The following DLG2 variants were observed in gnomAD, a reference collection of about 807,000 sequenced individuals.
DLG2 encodes the protein disks large homolog 2.
In DLG2, 45 loss-of-function variants were observed where a neutral mutation model predicts 132.5. The observed-to-expected ratio is 0.34, with a 90% CI of 0.27 to 0.44. DLG2 has a LOEUF of 0.44. Among genes scored for constraint, DLG2 ranks in the 20% least tolerant of loss-of-function variants. The pLI is 1.00. For missense variants in DLG2, 1,045 were observed against 1,196.9 expected, an observed-to-expected ratio of 0.87 and a Z score of 1.87; for synonymous variants, 424 against 419.6, an observed-to-expected ratio of 1.01 and a Z score of -0.13.
Position 85,359,561 on chromosome 11 carries a change from T to C in DLG2, c.41-74196A>G, listed in dbSNP as rs138958969. Among the ~76,000 whole-genome samples, 119 of 152,296 alleles carry C rather than the reference T, an allele frequency of 7.8e-4. 2 individuals are homozygous for C. The East Asian group carries it at 0.014, about 18-fold the overall frequency. On this transcript the variant is annotated intron_variant, in intron 3 of 27. Transcript: ENST00000376104. ...GCACTGTGGGAGAAATAAAGATCAA[T>C]AAGACATGGCTCTTGCCCTTAAGCA...
intron 3 of DLG2, among the ~76,000 whole-genome samples, chr11:85,412,490 C>G (rs186729639): frequency 8.6e-5 from 13 of 151,560 alleles, no homozygotes; most frequent in Non-Finnish European, 1.6e-4. Context: ...TACACTGCAC[C>G]ATATTTGTAC....
rs140936347 is a variant in DLG2, at chr11:84,928,355, C to G, written c.357+183306G>C. ...TGACCTTGGGTAAGTTACATAACTT[C>G]TCTCTGCCACAGAGTATTCCTCTGT... On this transcript the variant is annotated intron_variant, in intron 6 of 27. Transcript: ENST00000376104. Among the ~76,000 whole-genome samples, 21 of 152,094 alleles carry G rather than the reference C, an allele frequency of 1.4e-4. No individual in the cohort carries two copies. In the East Asian group the frequency reaches 4.1e-3, roughly 29 times the overall value.
intron 4 of DLG2, among the ~76,000 whole-genome samples, chr11:85,178,989 T>C (rs889285637): frequency 6.6e-6 from 1 of 151,834 alleles, no homozygotes; most frequent in Non-Finnish European, 1.5e-5. Context: ...CAAAAAGAGA[T>C]GAGTCCACCG....
chr11:84,940,971 T>C (rs1288781674), intron 6 of DLG2, among the ~76,000 whole-genome samples: 1 of 152,216 alleles, frequency 6.6e-6, no homozygotes, highest in Non-Finnish European at 1.5e-5. Flanking sequence ...CAGGACTATT[T>C]ATTAAAGAGA....
chr11:84,200,964 C>G (rs2096584395), intron 8 of DLG2, among the ~76,000 whole-genome samples: 1 of 152,164 alleles, frequency 6.6e-6, no homozygotes, highest in Non-Finnish European at 1.5e-5. Flanking sequence ...ATTTCCCTGG[C>G]AGAACTTCTA....
At chr11:83,878,246 T>G (rs1369156076) in intron 15 of DLG2, among the ~76,000 whole-genome samples, 1 of 152,220 alleles carries the variant, frequency 6.6e-6, no homozygotes, top group East Asian at 1.9e-4. Flanking sequence ...CATCTATACA[T>G]TCGCAGCTCA....
intron 7 of DLG2, among the ~76,000 whole-genome samples, chr11:84,430,117 A>T (rs1270683806): frequency 6.6e-6 from 1 of 152,166 alleles, no homozygotes; most frequent in Non-Finnish European, 1.5e-5. Context: ...AAATCCCATA[A>T]CATCTTATAC....
chr11:85,319,795 G>T (rs77098941), intron 3 of DLG2, among the ~76,000 whole-genome samples: 1 of 151,780 alleles, frequency 6.6e-6, no homozygotes, highest in African/African-American at 2.4e-5. Flanking sequence ...GGAGATATAA[G>T]TCTTAAAATC....
intron 4 of DLG2, among the ~76,000 whole-genome samples, chr11:85,228,937 T>C (rs2075133465): frequency 6.6e-6 from 1 of 151,302 alleles, no homozygotes; most frequent in Non-Finnish European, 1.5e-5. Flanking sequence ...TTAAATAATA[T>C]ATATAGTATT....
At chr11:84,544,472 G>C (rs143245316) in intron 6 of DLG2, among the ~76,000 whole-genome samples, 1 of 152,130 alleles carries the variant, frequency 6.6e-6, no homozygotes, top group African/African-American at 2.4e-5. Flanking sequence ...GAAAACAGAG[G>C]GTCAGAGAGT....
At chr11:83,617,530 T>C (rs2061009644) in intron 19 of DLG2, among the ~76,000 whole-genome samples, 2 of 152,226 alleles carry the variant, frequency 1.3e-5, no homozygotes, top group Non-Finnish European at 2.9e-5. Context: ...GTCTATCTAG[T>C]TATTTTGAAT....
At chr11:83,770,236 T>C (rs1353458571) in intron 18 of DLG2, among the ~76,000 whole-genome samples, 3 of 151,484 alleles carry the variant, frequency 2.0e-5, no homozygotes, top group African/African-American at 7.3e-5. Context: ...CTCCTACCTT[T>C]TGTCTCGTGG....
chr11:84,470,969 G>A (rs2099106929), intron 7 of DLG2, among the ~76,000 whole-genome samples: 1 of 151,706 alleles, frequency 6.6e-6, no homozygotes, highest in Non-Finnish European at 1.5e-5. Context: ...AGGACAGGGA[G>A]CCCTCCCTAT....
chr11:84,746,923 G>A (rs1288579503), intron 6 of DLG2, among the ~76,000 whole-genome samples: 1 of 152,162 alleles, frequency 6.6e-6, no homozygotes. Context: ...TTGGCATATA[G>A]AAGGTCTCTC....
intron 6 of DLG2, among the ~76,000 whole-genome samples, chr11:85,022,844 A>T (rs535380925): frequency 6.6e-6 from 1 of 152,112 alleles, no homozygotes; most frequent in Non-Finnish European, 1.5e-5. Flanking sequence ...TTACCTTATT[A>T]CTTATTTTTT....
intron 4 of DLG2, among the ~76,000 whole-genome samples, chr11:85,188,483 G>A (rs1466336074): frequency 1.3e-5 from 2 of 152,116 alleles, no homozygotes; most frequent in African/African-American, 4.8e-5. Context: ...AAACATGAAA[G>A]CGTGATCCAT....
chr11:85,099,953 A>G (rs1162076791), intron 6 of DLG2, among the ~76,000 whole-genome samples: 1 of 152,220 alleles, frequency 6.6e-6, no homozygotes, highest in Non-Finnish European at 1.5e-5. Flanking sequence ...ACCAAAGGCT[A>G]GAACATATTT....
At position 84,739,399 on chromosome 11, in the gene DLG2, A is replaced by G. The variant is rs549514203; in HGVS notation, c.358-204668T>C. Among the ~76,000 whole-genome samples the G allele has an allele frequency of 2.6e-5, 4 of 152,304 alleles. No individual in the cohort carries two copies. In the East Asian group the frequency reaches 7.7e-4, roughly 29 times the overall value. On this transcript the variant is annotated intron_variant, in intron 6 of 27. Transcript: ENST00000376104. ...AGTGATGACTCCCTACTTTGTTAGA[A>G]GATAGAATTCCACATGGGGCTCAGT...
intron 3 of DLG2, among the ~76,000 whole-genome samples, chr11:85,288,065 G>C (rs1233157104): frequency 2.0e-5 from 3 of 152,078 alleles, no homozygotes; most frequent in African/African-American, 7.2e-5. Context: ...GTAGATACAA[G>C]TTAATGGTAA....
Sources: gnomAD v4.1 joint callset for allele counts (sites outside exome capture counted in the v4.1 genomes callset) on GRCh38, gnomAD v4.1.1 for gene constraint, MANE v1.5 for transcripts, NCBI Gene and HGNC (gene_info 2026-07-23, HGNC 2026-07-21) for gene names.